Variants in SIPA1L2 observed in about 807,000 individuals in gnomAD.
SIPA1L2 encodes the protein signal-induced proliferation-associated 1-like protein 2.
A neutral mutation model predicts 163.9 loss-of-function variants in SIPA1L2; 56 were observed. The observed-to-expected ratio is 0.34, with a 90% CI of 0.28 to 0.43. The LOEUF (loss-of-function observed/expected upper bound fraction) is 0.43. Among genes scored for constraint, SIPA1L2 ranks in the 20% least tolerant of loss-of-function variants. SIPA1L2 has a pLI of 1.00. For missense variants in SIPA1L2, 1,974 were observed against 2,193.5 expected (o/e 0.90, Z 2.00); for synonymous variants, 877 against 865.7 (o/e 1.01, Z -0.23).
chr1:232,507,458 A>T (rs1666780511), intron 3 of SIPA1L2, among the ~76,000 whole-genome samples: 1 of 152,218 alleles, frequency 6.6e-6, no homozygotes, highest in Non-Finnish European at 1.5e-5. Flanking sequence ...CTGTCTTTCC[A>T]TAAGATACCT....
chr1:232,596,791 G>A (rs934498353), intron 1 of SIPA1L2, among the ~76,000 whole-genome samples: 3 of 152,136 alleles, frequency 2.0e-5, no homozygotes, highest in Non-Finnish European at 1.5e-5. Context: ...TCCCCGCTTC[G>A]CCTGTGAGGG....
chr1:232,523,111 A>G (rs1558243244), intron 2 of SIPA1L2, among the ~76,000 whole-genome samples: 1 of 152,230 alleles, frequency 6.6e-6, no homozygotes, highest in Admixed American at 6.5e-5. Flanking sequence ...GTATTAGAAT[A>G]TGGCTTTTGT....
At chr1:232,527,369 G>A (rs995308644) in intron 2 of SIPA1L2, among the ~76,000 whole-genome samples, 2 of 152,132 alleles carry the variant, frequency 1.3e-5, no homozygotes, top group Admixed American at 6.5e-5. Flanking sequence ...CAATCCTCAA[G>A]AAATGTTTTC....
intron 10 of SIPA1L2, among the ~76,000 whole-genome samples, chr1:232,458,310 T>C (rs1664043597): frequency 6.6e-6 from 1 of 152,222 alleles, no homozygotes; most frequent in African/African-American, 2.4e-5. Flanking sequence ...CCAAGGCAGA[T>C]AACTGATTCC....
intron 9 of SIPA1L2, 62 bp downstream of exon 9, chr1:232,464,778 G>C: frequency 7.3e-7 from 1 of 1,367,064 alleles, no homozygotes. Flanking sequence ...CCCAGTGAAA[G>C]TTATTTTGAA....
At chr1:232,608,889 G>A (rs1214936162) in intron 1 of SIPA1L2, among the ~76,000 whole-genome samples, 1 of 151,884 alleles carries the variant, frequency 6.6e-6, no homozygotes, top group Non-Finnish European at 1.5e-5. Flanking sequence ...ATCTTCCAAA[G>A]GGTTCACAAT....
intron 2 of SIPA1L2, among the ~76,000 whole-genome samples, chr1:232,548,829 C>G (rs1450569917): frequency 6.6e-6 from 1 of 152,184 alleles, no homozygotes; most frequent in Non-Finnish European, 1.5e-5. Flanking sequence ...GCAGGGGACG[C>G]AGCCTACGCA....
chr1:232,439,883 T>C (rs1662788572), intron 14 of SIPA1L2, among the ~76,000 whole-genome samples: 1 of 152,208 alleles, frequency 6.6e-6, no homozygotes, highest in Non-Finnish European at 1.5e-5. Flanking sequence ...TGACAAATTA[T>C]AGTGCCAGCC....
At chr1:232,427,298 T>C (rs1441544651) in intron 17 of SIPA1L2, among the ~76,000 whole-genome samples, 2 of 152,246 alleles carry the variant, frequency 1.3e-5, no homozygotes, top group Admixed American at 6.5e-5. Flanking sequence ...CTTCAGAACT[T>C]GATTACAGGC....
At chr1:232,542,822 T>C (rs934865491) in intron 2 of SIPA1L2, among the ~76,000 whole-genome samples, 1 of 152,224 alleles carries the variant, frequency 6.6e-6, no homozygotes, top group Non-Finnish European at 1.5e-5. Context: ...AGCTGAGCCC[T>C]GTGAGGAACT....
chr1:232,508,554 C>A (rs959765714), intron 3 of SIPA1L2, among the ~76,000 whole-genome samples: 1 of 152,250 alleles, frequency 6.6e-6, no homozygotes. Context: ...ACCAGACTCA[C>A]TGATGCTCAC....
intron 2 of SIPA1L2, among the ~76,000 whole-genome samples, chr1:232,528,078 T>TTATATATATA (rs67185229): frequency 1.0e-5 from 1 of 96,118 alleles, no homozygotes; most frequent in African/African-American, 4.8e-5. Context: ...TAAGCAAGTT[T>TTATATATATA]TATATATATA....
chr1:232,561,763 A>T (rs1049714714), intron 2 of SIPA1L2, among the ~76,000 whole-genome samples: 1 of 152,170 alleles, frequency 6.6e-6, no homozygotes, highest in Non-Finnish European at 1.5e-5. Context: ...AATGGTCTTG[A>T]TGAAAGAAAA....
chr1:232,484,166 TG>T (rs1391892155), intron 5 of SIPA1L2, among the ~76,000 whole-genome samples, 200 bp from the exon 6 acceptor site: 3 of 152,162 alleles, frequency 2.0e-5, no homozygotes, highest in Non-Finnish European at 4.4e-5. Context: ...AGAATACAGC[TG>T]GAGACATGTC....
intron 2 of SIPA1L2, among the ~76,000 whole-genome samples, chr1:232,572,497 A>C (rs1262285681): frequency 1.3e-5 from 2 of 151,780 alleles, no homozygotes; most frequent in East Asian, 1.9e-4. Flanking sequence ...GTCTGTGTCT[A>C]CTGTTCTCTC....
intron 10 of SIPA1L2, among the ~76,000 whole-genome samples, chr1:232,449,587 C>A (rs4451504): frequency 6.8e-6 from 1 of 147,588 alleles, no homozygotes; most frequent in Non-Finnish European, 1.5e-5. Flanking sequence ...ACCAGACAGA[C>A]CTATCACAAA....
At position 232,483,843 on chromosome 1, in the gene SIPA1L2, T is replaced by A. The variant is rs2102978764; in HGVS notation, c.1930A>T (p.Arg644Ter). 1 of 1,614,092 alleles carries A rather than the reference T, an allele frequency of 6.2e-7. No individual in the cohort carries two copies. Among genetic ancestry groups the A allele is most frequent in the South Asian group, 1.1e-5 (1 of 91,080 alleles). The change falls in exon 6 of 23, where the codon AGA becomes TGA. Residue 644 changes from arginine to a stop codon, truncating the protein, a stop_gained. Transcript: ENST00000674635. LOFTEE classifies it high-confidence loss of function. ...TTACTAAATCCTTTCAGTCGGACTC[T>A]CTGGCCCAGAAGATCAAGGAATTCT... Reference protein sequence around the residue: ...FEEFLDLLGQRVRLKGFSKYR... With the variant: ...FEEFLDLLGQ
intron 2 of SIPA1L2, among the ~76,000 whole-genome samples, chr1:232,515,913 T>G (rs1315808480): frequency 6.6e-6 from 1 of 152,148 alleles, no homozygotes; most frequent in Admixed American, 6.5e-5. Flanking sequence ...TCCAACAGAG[T>G]AATTTTCCTT....
At chr1:232,399,985 G>T (rs986475817) in intron 22 of SIPA1L2, among the ~76,000 whole-genome samples, 4 of 152,102 alleles carry the variant, frequency 2.6e-5, no homozygotes, top group Non-Finnish European at 5.9e-5. Context: ...CACTGTGCAG[G>T]AGCATTGAGT....
Sources: allele counts gnomAD v4.1 joint callset (sites outside exome capture counted in the v4.1 genomes callset), GRCh38; gene constraint gnomAD v4.1.1; transcripts MANE v1.5; gene names NCBI Gene and HGNC (gene_info 2026-07-23, HGNC 2026-07-21).